RRN3: variants seen among roughly 807,000 people sequenced by gnomAD.
RRN3 encodes the protein RNA polymerase I transcription factor RRN3.
RRN3 carries 38 observed loss-of-function variants against 82.3 expected under a neutral mutation model. That is an observed-to-expected ratio of 0.46 (90% CI 0.36 to 0.61). The LOEUF is 0.61. Among genes scored for constraint, RRN3 ranks in the 20% least tolerant of loss-of-function variants. The pLI is 0.00. For missense variants in RRN3, 726 were observed against 793.1 expected (o/e 0.92, Z 1.02); for synonymous variants, 284 against 284.3 (o/e 1.00, Z 0.01).
At chr16:15,074,073 A>G (rs1003875257) in intron 11 of RRN3, among the ~76,000 whole-genome samples, 4 of 152,200 alleles carry the variant, frequency 2.6e-5, no homozygotes, top group African/African-American at 9.7e-5. Context: ...AAATGCTCAC[A>G]ATGGTTCTCT....
chr16:15,079,530 T>C (rs1460149188), intron 9 of RRN3, among the ~76,000 whole-genome samples: 1 of 152,212 alleles, frequency 6.6e-6, no homozygotes, highest in African/African-American at 2.4e-5. Context: ...AGGAACTGTC[T>C]ACAACTCCCA....
At chr16:15,086,537 A>C in intron 3 of RRN3, 83 bp from the exon 4 acceptor site, 1 of 1,576,044 alleles carries the variant, frequency 6.3e-7, no homozygotes, top group Non-Finnish European at 8.6e-7. Context: ...TCAATCATTT[A>C]TCAAGAATAG....
intron 3 of RRN3, 43 bp from the exon 4 acceptor site, chr16:15,086,497 A>C: frequency 2.5e-6 from 4 of 1,607,866 alleles, no homozygotes; most frequent in Non-Finnish European, 3.4e-6. Flanking sequence ...CAAATCCTCT[A>C]ACATAACAGA....
At chr16:15,091,482 A>C in intron 2 of RRN3, 111 bp from the exon 3 acceptor site, 1 of 714,582 alleles carries the variant, frequency 1.4e-6, no homozygotes, top group Non-Finnish European at 2.3e-6. Flanking sequence ...AGGAACACTA[A>C]CTTTCACATG....
intron 2 of RRN3, 65 bp downstream of exon 2, chr16:15,092,444 G>C: frequency 1.1e-6 from 1 of 941,932 alleles, no homozygotes; most frequent in Non-Finnish European, 1.7e-6. Context: ...TTGGTCTTTA[G>C]TATAACAGCA....
intron 17 of RRN3, among the ~76,000 whole-genome samples, chr16:15,062,175 C>T (rs1360665814): frequency 1.3e-5 from 2 of 152,138 alleles, no homozygotes; most frequent in East Asian, 3.9e-4. Flanking sequence ...AACAAAAGCT[C>T]CCTCTGATAA....
rs2046255566 is a variant in RRN3, at chr16:15,094,144, C to A, written c.89+1G>T. The A allele has an allele frequency of 1.9e-6, 3 of 1,594,984 alleles. No individual in the cohort carries two copies. The highest frequency in any genetic ancestry group is 2.6e-6 in the Non-Finnish European group (3 of 1,170,602). On this transcript the variant is annotated splice_donor_variant, in intron 1 of 17. Coordinates refer to ENST00000198767, the MANE Select transcript of RRN3 (RefSeq NM_018427.5). LOFTEE classifies it high-confidence loss of function. The stretch of plus-strand genomic sequence containing the variant: ...GCAGAAGGAAGCGGCCTGAATCTTA[C>A]CCAGTCCTCGACGCGCCCAGCTTCT...
chr16:15,065,413 C>A lies in RRN3; in HGVS notation c.1554-42G>T, dbSNP rs143358246. 4 of 1,585,054 alleles carry A rather than the reference C, an allele frequency of 2.5e-6. No individual in the cohort carries two copies. In the South Asian group the frequency reaches 3.4e-5, roughly 13 times the overall value. ...CAACACAGACAGAGGCATTAACATG[C>A]TGGAGTGACTCGGTGCAGATGTGAG... On this transcript the variant is annotated intron_variant, in intron 15 of 17. Transcript: ENST00000198767.
chr16:15,075,250 C>T (rs549062642), intron 10 of RRN3, among the ~76,000 whole-genome samples: 1,753 of 68,048 alleles, frequency 0.026, 21 homozygotes, highest in Non-Finnish European at 0.039. Context: ...TGTGCCCCAC[C>T]AAAAAAAAAA....
rs368105054 is a variant in RRN3, at chr16:15,072,984, T to C, written c.1094A>G (p.Gln365Arg). The change falls in exon 12 of 18, where the codon CAG becomes CGG. Residue 365 changes from glutamine to arginine, a missense_variant. Gln to Arg is a conservative substitution (Grantham distance 43). Coordinates refer to ENST00000198767, the MANE Select transcript of RRN3 (RefSeq NM_018427.5). ...ACTACAGAGGTAAAACATGAAAAAC[T>C]GTACATGGCAGGAGGCATGGGTGGG... ...LLPTHASCHV[Q>R]FFMFYLCSFK... 2.5e-6 allele frequency: 4 copies of C among 1,613,658 alleles called. No homozygotes were observed. The highest frequency in any genetic ancestry group is 1.7e-5 in the Admixed American group (1 of 59,908).
Position 15,061,627 on chromosome 16 carries a change from G to C in RRN3, c.*117C>G. 1.1e-6 allele frequency: 1 copy of C among 917,442 alleles called. No homozygotes were observed. Among genetic ancestry groups the C allele is most frequent in the Admixed American group, 2.5e-5 (1 of 39,308 alleles). The allele number at this position is 917,442 out of a possible 1,614,324, so 56.8% of individuals were successfully genotyped here. The stretch of plus-strand genomic sequence containing the variant: ...TCGAACCTGGAAGTGCCACAGCCGA[G>C]GCAGGCACTCGCTCTAGTTCAATGC... On this transcript the variant is annotated 3_prime_UTR_variant, in exon 18 of 18. Coordinates refer to ENST00000198767, the MANE Select transcript of RRN3 (RefSeq NM_018427.5).
chr16:15,086,581 C>A, intron 3 of RRN3, 127 bp from the exon 4 acceptor site: 3 of 1,393,314 alleles, frequency 2.2e-6, no homozygotes, highest in South Asian at 1.4e-5. Context: ...TTGGAAGGAA[C>A]TCAAAACTGG....
In RRN3 at chr16:15,086,006, C is replaced by T. The variant is rs2045903509; in HGVS notation, c.472+123G>A. Reference sequence around the variant, plus strand: ...GGTCATTACGGGGAATATATGTCTACCAGACCTGGTGCCAATATGCATCTG... The same window carrying T: ...GGTCATTACGGGGAATATATGTCTATCAGACCTGGTGCCAATATGCATCTG... On this transcript the variant is annotated intron_variant, in intron 5 of 17. Transcript: ENST00000198767. 5 of 673,200 alleles carry T rather than the reference C, an allele frequency of 7.4e-6. No homozygotes were observed. In the South Asian group the frequency reaches 9.9e-5, roughly 13 times the overall value. 41.7% of individuals were successfully genotyped at this position (673,200 alleles called of 1,614,324 possible).
intron 3 of RRN3, among the ~76,000 whole-genome samples, chr16:15,087,240 T>C (rs1277547924): frequency 6.6e-6 from 1 of 152,200 alleles, no homozygotes; most frequent in Non-Finnish European, 1.5e-5. Context: ...CATATGGAGT[T>C]ATCATTTAGT....
In RRN3 at chr16:15,063,283, C is replaced by T. The variant is rs571309624; in HGVS notation, c.1707G>A (p.Arg569=). ...FFPFDPCVLK[R]SKKFIDPIYQ... is the part of the protein sequence containing the mutation. Reference sequence around the variant, plus strand: ...AAATAGGATCAATGAATTTCTTTGACCTGTCAACAAAGATCACATTTCAAA... The same window carrying T: ...AAATAGGATCAATGAATTTCTTTGATCTGTCAACAAAGATCACATTTCAAA... Residue 569 remains arginine (R), a splice_region_variant and synonymous_variant, in exon 17 of 18, where the codon AGG becomes AGA. Coordinates refer to ENST00000198767, the MANE Select transcript of RRN3 (RefSeq NM_018427.5). 70 of 1,607,026 alleles carry T rather than the reference C, an allele frequency of 4.4e-5. No individual in the cohort carries two copies. The East Asian group carries it at 1.5e-3, about 35-fold the overall frequency.
At position 15,094,267 on chromosome 16, in the gene RRN3, C is replaced by G. The variant is rs1212871038; in HGVS notation, c.-34G>C. ...ACTAACGCGACCGCTGCGCCTCAGG[C>G]CGGATGCCCAGCTCCTTCCAGCCAC... On this transcript the variant is annotated 5_prime_UTR_variant, in exon 1 of 18. Coordinates refer to ENST00000198767, the MANE Select transcript of RRN3 (RefSeq NM_018427.5). 6.7e-7 allele frequency: 1 copy of G among 1,497,932 alleles called. No individual in the cohort carries two copies. The highest frequency in any genetic ancestry group is 1.2e-5 in the South Asian group (1 of 82,856). 92.8% of individuals were successfully genotyped at this position (1,497,932 alleles called of 1,614,324 possible). A position where few individuals can be genotyped will look rare whatever the true frequency, so the allele number is the denominator to read the frequency against.
intron 9 of RRN3, among the ~76,000 whole-genome samples, chr16:15,077,590 C>T (rs541535895): frequency 1.5e-4 from 23 of 152,288 alleles, no homozygotes; most frequent in South Asian, 2.1e-4. Flanking sequence ...GCCTGTAATC[C>T]GAGCTCTTTG....
At chr16:15,093,202 G>A (rs1406982437) in intron 1 of RRN3, among the ~76,000 whole-genome samples, 1 of 152,028 alleles carries the variant, frequency 6.6e-6, no homozygotes, top group African/African-American at 2.4e-5. Flanking sequence ...ACGAGGTTTC[G>A]CACGTTGGCC....
Position 15,061,728 on chromosome 16 carries a change from T to C in RRN3, c.*16A>G. The C allele has an allele frequency of 6.3e-7, 1 of 1,599,290 alleles. No homozygotes were observed. Among genetic ancestry groups the C allele is most frequent in the Non-Finnish European group, 8.6e-7 (1 of 1,167,986 alleles). On this transcript the variant is annotated 3_prime_UTR_variant, in exon 18 of 18. Coordinates refer to ENST00000198767, the MANE Select transcript of RRN3 (RefSeq NM_018427.5). ...GGGAATCCCAAATGTCACATCTCAG[T>C]CACAAATTTCTGCCGTCAGAGGGGA... is the stretch of plus-strand genomic sequence containing the variant.
Sources: gnomAD v4.1 joint callset for allele counts (sites outside exome capture counted in the v4.1 genomes callset) on GRCh38, gnomAD v4.1.1 for gene constraint, MANE v1.5 for transcripts, NCBI Gene and HGNC (gene_info 2026-07-23, HGNC 2026-07-21) for gene names.